The following BCL2L14 variants were observed in gnomAD, a reference collection of about 807,000 sequenced individuals.
The protein encoded by BCL2L14 is apoptosis facilitator Bcl-2-like protein 14.
In BCL2L14, 27 loss-of-function variants were observed where a neutral mutation model predicts 35.3. The ratio of observed to expected loss-of-function variants is 0.76; its 90% CI spans 0.56 to 1.05. The LOEUF is 1.05. BCL2L14 is among the 50% of genes least tolerant of loss of function. BCL2L14 has a pLI of 0.00. For missense variants in BCL2L14, 377 were observed against 382.6 expected (o/e 0.99, Z 0.12); for synonymous variants, 139 against 145.9 (o/e 0.95, Z 0.34).
intron 2 of BCL2L14, among the ~76,000 whole-genome samples, chr12:12,086,960 G>T (rs998181256): frequency 2.0e-5 from 3 of 152,180 alleles, no homozygotes; most frequent in African/African-American, 7.2e-5. Flanking sequence ...AATTTTGCAA[G>T]ACTTCAAAAA....
At chr12:12,069,912 G>GACCC (rs1338028110), upstream of BCL2L14, among the ~76,000 whole-genome samples, 1 of 152,070 alleles carries the variant, frequency 6.6e-6, no homozygotes, top group African/African-American at 2.4e-5. Flanking sequence ...ATATTTAAAT[G>GACCC]ACCCATTCTT....
rs1436599792 is a variant in BCL2L14, at chr12:12,079,569, G to A, written c.264G>A (p.Lys88=). 1.2e-6 allele frequency: 2 copies of A among 1,614,092 alleles called. No individual in the cohort carries two copies. The highest frequency in any genetic ancestry group is 2.7e-5 in the African/African-American group (2 of 74,928). ...QSSEKAINLG[K]KKSSWKAFFG... ...GTGAGAAGGCCATAAACCTTGGCAA[G>A]AAAAAGTCTTCTTGGAAAGCATTCT... is the stretch of plus-strand genomic sequence containing the variant. Residue 88 remains lysine (K), a synonymous_variant, in exon 2 of 6, where the codon AAG becomes AAA. Coordinates refer to ENST00000308721, the MANE Select transcript of BCL2L14 (RefSeq NM_138723.2).
At position 12,094,668 on chromosome 12, in the gene BCL2L14, A is replaced by G. The variant is rs1440441376; in HGVS notation, c.683A>G (p.Lys228Arg). 1.1e-5 allele frequency: 17 copies of G among 1,614,092 alleles called. No homozygotes were observed. Among genetic ancestry groups the G allele is most frequent in the African/African-American group, 1.3e-5 (1 of 74,926 alleles). The change falls in exon 5 of 6, where the codon AAG (lysine) becomes AGG (arginine). Residue 228 changes from lysine (K) to arginine (R), a missense_variant. Coordinates refer to ENST00000308721, the MANE Select transcript of BCL2L14 (RefSeq NM_138723.2). ...YSGDQLERKLKKDKALMGHFQ... is the reference protein window; with the variant it reads ...YSGDQLERKLRKDKALMGHFQ... ...TGCTTATTCTTTTGTACACAGCTGA[A>G]GAAAGATAAGGCTTTGATGGGCCAC... is the stretch of plus-strand genomic sequence containing the variant.
intron 2 of BCL2L14, among the ~76,000 whole-genome samples, chr12:12,052,054 CTTTT>C (rs1299623186): frequency 1.3e-5 from 2 of 151,958 alleles, no homozygotes; most frequent in African/African-American, 4.8e-5. Flanking sequence ...TTTTCTTTTT[CTTTT>C]TTGAGGTTTT....
upstream of BCL2L14, among the ~76,000 whole-genome samples, chr12:12,067,629 C>G (rs780478530): frequency 3.9e-5 from 6 of 152,102 alleles, no homozygotes; most frequent in Non-Finnish European, 5.9e-5. Flanking sequence ...TCCTTTTTCT[C>G]AAAGAAAAGA....
chr12:12,053,443 G>A (rs2058773), intron 2 of BCL2L14, among the ~76,000 whole-genome samples: 122,040 of 150,184 alleles, frequency 0.81, 49,580 homozygotes, highest in East Asian at 0.98. Flanking sequence ...TTTTTGAGAC[G>A]AAGTTTCACT....
chr12:12,094,597 A>C, intron 4 of BCL2L14, 67 bp from the exon 5 acceptor site: 2 of 1,614,254 alleles, frequency 1.2e-6, no homozygotes, highest in Non-Finnish European at 1.7e-6. Flanking sequence ...TTTGAGCTAA[A>C]GAATGAACTT....
chr12:12,068,713 A>G (rs1948623029), upstream of BCL2L14, among the ~76,000 whole-genome samples: 2 of 152,124 alleles, frequency 1.3e-5, no homozygotes, highest in Admixed American at 6.5e-5. Flanking sequence ...CGTGAATCCC[A>G]AAATTGGGGT....
At chr12:12,081,747 CAGCG>C (rs762218152) in intron 2 of BCL2L14, among the ~76,000 whole-genome samples, 2 of 151,980 alleles carry the variant, frequency 1.3e-5, no homozygotes, top group Non-Finnish European at 2.9e-5. Context: ...TTAGTAGAGA[CAGCG>C]TTTCACCATG....
At chr12:12,091,179 T>C (rs1396096980) in intron 4 of BCL2L14, among the ~76,000 whole-genome samples, 1 of 152,254 alleles carries the variant, frequency 6.6e-6, no homozygotes, top group Non-Finnish European at 1.5e-5. Context: ...CTGATCCTCA[T>C]TGAAGTTTAG....
At chr12:12,068,027 G>A, upstream of BCL2L14, 1 of 389,954 alleles carries the variant, frequency 2.6e-6, no homozygotes, top group East Asian at 3.6e-5. Flanking sequence ...CAAGCCCCCG[G>A]CCCCCTGCCA....
At chr12:12,054,597 G>A (rs1948404017) in intron 2 of BCL2L14, 1 of 151,684 alleles carries the variant, frequency 6.6e-6, no homozygotes, top group African/African-American at 2.4e-5. Flanking sequence ...TTTTATCTAT[G>A]TTCTCTGCAG....
intron 5 of BCL2L14, among the ~76,000 whole-genome samples, chr12:12,096,802 C>T (rs1383575764): frequency 6.6e-6 from 1 of 152,190 alleles, no homozygotes; most frequent in African/African-American, 2.4e-5. Flanking sequence ...TGGTGCAGTC[C>T]CTTTGGAAAA....
intron 1 of BCL2L14, among the ~76,000 whole-genome samples, chr12:12,073,946 A>G (rs1948725618): frequency 6.6e-6 from 1 of 151,964 alleles, no homozygotes; most frequent in Non-Finnish European, 1.5e-5. Context: ...GCTTGCACGC[A>G]CCTCAGGTCT....
chr12:12,095,523 C>G (rs1949296353), intron 5 of BCL2L14: 1 of 985,324 alleles, frequency 1.0e-6, no homozygotes, highest in Non-Finnish European at 1.2e-6. Flanking sequence ...TCCCTCATCC[C>G]CAGTTCCTCA....
chr12:12,067,741 C>G (rs927422806), upstream of BCL2L14, among the ~76,000 whole-genome samples: 2 of 152,152 alleles, frequency 1.3e-5, no homozygotes, highest in African/African-American at 4.8e-5. Context: ...AACAGCATGT[C>G]TATGTTTACA....
At chr12:12,069,785 A>G (rs116766877), upstream of BCL2L14, among the ~76,000 whole-genome samples, 2,142 of 152,098 alleles carry the variant, frequency 0.014, 49 homozygotes, top group African/African-American at 0.049. Context: ...TACCCTCTAC[A>G]TTGACCTCAC....
chr12:12,054,230 C>T (rs1276301397), intron 2 of BCL2L14, among the ~76,000 whole-genome samples: 2 of 152,152 alleles, frequency 1.3e-5, no homozygotes, highest in South Asian at 4.1e-4. Flanking sequence ...GGGCTGGGCG[C>T]AGTAGCTCAT....
chr12:12,091,697 A>G (rs1156795688), intron 4 of BCL2L14, among the ~76,000 whole-genome samples: 1 of 152,194 alleles, frequency 6.6e-6, no homozygotes, highest in African/African-American at 2.4e-5. Flanking sequence ...CACCTGGGAG[A>G]TGGGACAGAA....
Sources: gnomAD v4.1 joint callset for allele counts (sites outside exome capture counted in the v4.1 genomes callset) on GRCh38, gnomAD v4.1.1 for gene constraint, MANE v1.5 for transcripts, NCBI Gene and HGNC (gene_info 2026-07-23, HGNC 2026-07-21) for gene names.